BCL2: variants seen among roughly 807,000 people sequenced by gnomAD.
BCL2 encodes BCL2 apoptosis regulator.
Under a neutral mutation model 14.2 loss-of-function variants are expected in BCL2, and 1 was observed. That is an observed-to-expected ratio of 0.07 (90% CI 0.02 to 0.33). The LOEUF is 0.33. BCL2 is among the 10% of genes least tolerant of loss of function. BCL2 has a pLI of 0.99. For missense variants in BCL2, 247 were observed against 305.9 expected, an observed-to-expected ratio of 0.81 and a Z score of 1.44; for synonymous variants, 151 against 137.2, an observed-to-expected ratio of 1.10 and a Z score of -0.70.
At chr18:63,241,047 C>G (rs1032935957) in intron 2 of BCL2, among the ~76,000 whole-genome samples, 4 of 152,338 alleles carry the variant, frequency 2.6e-5, no homozygotes, top group Admixed American at 2.6e-4. Flanking sequence ...TTACTCAACT[C>G]TGATGTTGCA....
chr18:63,277,253 G>A (rs1383695738), intron 2 of BCL2, among the ~76,000 whole-genome samples: 1 of 152,126 alleles, frequency 6.6e-6, no homozygotes, highest in Non-Finnish European at 1.5e-5. Flanking sequence ...TTTCTCGACT[G>A]TCTCTAGTAC....
chr18:63,250,024 C>A (rs1166276416), intron 2 of BCL2, among the ~76,000 whole-genome samples: 1 of 152,120 alleles, frequency 6.6e-6, no homozygotes, highest in African/African-American at 2.4e-5. Context: ...ATTTTACAGA[C>A]CAGGAAGCCC....
At chr18:63,215,321 G>A (rs752771445) in intron 2 of BCL2, among the ~76,000 whole-genome samples, 25 of 152,202 alleles carry the variant, frequency 1.6e-4, no homozygotes, top group East Asian at 3.9e-4. Context: ...GTCATCTCAC[G>A]TCCTGTAAGC....
intron 2 of BCL2, among the ~76,000 whole-genome samples, chr18:63,188,166 C>T (rs1282840781): frequency 6.6e-6 from 1 of 152,162 alleles, no homozygotes; most frequent in Non-Finnish European, 1.5e-5. Flanking sequence ...TTTTAAGCAG[C>T]TATCTGTCTT....
intron 2 of BCL2, among the ~76,000 whole-genome samples, chr18:63,294,008 G>A (rs1042975301): frequency 1.3e-5 from 2 of 149,592 alleles, no homozygotes; most frequent in Middle Eastern, 3.2e-3. Flanking sequence ...GATGCACTAT[G>A]CTTGGAGCTG....
At chr18:63,187,950 G>A (rs190544819) in intron 2 of BCL2, among the ~76,000 whole-genome samples, 1 of 152,264 alleles carries the variant, frequency 6.6e-6, no homozygotes, top group East Asian at 1.9e-4. Context: ...GTCTTCAGAT[G>A]GCATGCTCCA....
chr18:63,309,298 C>G (rs1913234510), intron 2 of BCL2, among the ~76,000 whole-genome samples: 1 of 152,212 alleles, frequency 6.6e-6, no homozygotes, highest in Non-Finnish European at 1.5e-5. Context: ...GGTTCAACCT[C>G]AATTTTTCTC....
At chr18:63,225,163 G>GA (rs1289903109) in intron 2 of BCL2, among the ~76,000 whole-genome samples, 4 of 151,976 alleles carry the variant, frequency 2.6e-5, no homozygotes, top group African/African-American at 9.7e-5. Flanking sequence ...TTAAGGACAT[G>GA]AAAAAAAGAC....
intron 2 of BCL2, among the ~76,000 whole-genome samples, chr18:63,304,299 A>G (rs1046457861): frequency 1.3e-5 from 2 of 152,198 alleles, no homozygotes; most frequent in Non-Finnish European, 2.9e-5. Context: ...GGCTCTTTAC[A>G]GTAAACAAAT....
At chr18:63,273,070 G>C (rs1354738663) in intron 2 of BCL2, among the ~76,000 whole-genome samples, 1 of 151,862 alleles carries the variant, frequency 6.6e-6, no homozygotes, top group Non-Finnish European at 1.5e-5. Flanking sequence ...AATGCAGCAG[G>C]ATTTTCATAA....
chr18:63,235,040 G>A (rs776051050), intron 2 of BCL2, among the ~76,000 whole-genome samples: 4 of 152,156 alleles, frequency 2.6e-5, no homozygotes, highest in Non-Finnish European at 4.4e-5. Context: ...GATAACTCAT[G>A]GAGGAAATCC....
chr18:63,284,355 T>A (rs1056321398), intron 2 of BCL2, among the ~76,000 whole-genome samples: 1 of 151,958 alleles, frequency 6.6e-6, no homozygotes, highest in Admixed American at 6.6e-5. Context: ...GGTGCAGTGG[T>A]TGAGGAGAAA....
intron 2 of BCL2, among the ~76,000 whole-genome samples, chr18:63,237,628 C>G (rs569709986): frequency 1.3e-5 from 2 of 152,188 alleles, no homozygotes; most frequent in Admixed American, 6.5e-5. Context: ...AGTTTTCACC[C>G]AATCCCTAGC....
rs557139787 is a variant in BCL2 at position 63,289,650 on chromosome 18, C to T, written c.585+28432G>A. ...GGCTCATGCCTATAACCCCAGCCCTCGAGGAGGCCAAGGCAGGTGGATCAC... is the reference window on the plus strand; with the variant it reads ...GGCTCATGCCTATAACCCCAGCCCTTGAGGAGGCCAAGGCAGGTGGATCAC... On this transcript the variant is annotated intron_variant, in intron 2 of 2. Coordinates refer to ENST00000333681, the MANE Select transcript of BCL2 (RefSeq NM_000633.3). Among the ~76,000 whole-genome samples, 314 of 152,176 alleles carry T rather than the reference C, an allele frequency of 2.1e-3. 1 individual carries two copies. Among genetic ancestry groups the T allele is most frequent in the African/African-American group, 6.6e-3 (275 of 41,520 alleles).
At position 63,318,730 on chromosome 18, in the gene BCL2, C is replaced by T. The variant is rs1913594209; in HGVS notation, c.-64G>A. 2.5e-6 allele frequency: 4 copies of T among 1,604,348 alleles called. No homozygotes were observed. In the South Asian group the frequency reaches 4.4e-5, roughly 18 times the overall value. On this transcript the variant is annotated 5_prime_UTR_variant, in exon 2 of 3. Transcript: ENST00000333681. The surrounding 1 kb of genome is among the most constrained non-coding windows in gnomAD (Gnocchi z 7.4). ...CTCGCCCCAGCTCCCACCCCACGGC[C>T]CCCAGAGAAAGAAGAGGAGTTATAA...
chr18:63,252,607 A>G (rs1326553670), intron 2 of BCL2, among the ~76,000 whole-genome samples: 1 of 152,162 alleles, frequency 6.6e-6, no homozygotes, highest in Non-Finnish European at 1.5e-5. Context: ...TCCCTGCACA[A>G]GCTCTCTTTG....
At chr18:63,309,751 T>C (rs1407191749) in intron 2 of BCL2, among the ~76,000 whole-genome samples, 2 of 152,190 alleles carry the variant, frequency 1.3e-5, no homozygotes, top group Non-Finnish European at 1.5e-5. Flanking sequence ...GGATTGGCTC[T>C]AGGAACCCCC....
chr18:63,189,193 A>T (rs1915662735), intron 2 of BCL2, among the ~76,000 whole-genome samples: 1 of 150,228 alleles, frequency 6.7e-6, no homozygotes, highest in Non-Finnish European at 1.5e-5. Flanking sequence ...AGCATATAAA[A>T]AAAAAAAAAA....
At chr18:63,271,191 T>C (rs1274602483) in intron 2 of BCL2, among the ~76,000 whole-genome samples, 2 of 152,202 alleles carry the variant, frequency 1.3e-5, no homozygotes, top group Admixed American at 6.5e-5. Context: ...AAAAGAGATA[T>C]ATAGTTAAAG....
Sources: gnomAD v4.1 joint callset for allele counts (sites outside exome capture counted in the v4.1 genomes callset) on GRCh38, gnomAD v4.1.1 for gene constraint, Gnocchi (gnomAD v3.1) non-coding constraint, MANE v1.5 for transcripts, NCBI Gene and HGNC (gene_info 2026-07-23, HGNC 2026-07-21) for gene names.